ANGPT4: variants seen among roughly 807,000 people sequenced by gnomAD.
The protein encoded by ANGPT4 is angiopoietin-4.
Under a neutral mutation model 53.0 loss-of-function variants are expected in ANGPT4, and 50 were observed. That is an observed-to-expected ratio of 0.94 (90% CI 0.75 to 1.20). ANGPT4 has a LOEUF of 1.20. Among genes scored for constraint, ANGPT4 ranks in the 50% most tolerant of loss-of-function variants. ANGPT4 has a pLI of 0.00. For missense variants in ANGPT4, 648 were observed against 637.1 expected, an observed-to-expected ratio of 1.02 and a Z score of -0.18; for synonymous variants, 251 against 259.7, an observed-to-expected ratio of 0.97 and a Z score of 0.32.
At position 885,339 on chromosome 20, in the gene ANGPT4, G is replaced by A. The variant is rs1307728368; in HGVS notation, c.588-14C>T. On this transcript the variant is annotated splice_polypyrimidine_tract_variant and intron_variant, in intron 3 of 8. Transcript: ENST00000381922. ...TTCTCGAGCGCGCTGCGGGGTAGGG[G>A]GCGCACAGAGGTGAGCCTGGCATCC... The A allele has an allele frequency of 3.2e-6, 5 of 1,565,264 alleles. No individual in the cohort carries two copies. The highest frequency in any genetic ancestry group is 2.6e-6 in the Non-Finnish European group (3 of 1,161,884).
rs1225360908 is a variant in ANGPT4, at chr20:901,687, T to C, written c.310-11319A>G. On this transcript the variant is annotated intron_variant, in intron 1 of 8. Transcript: ENST00000381922. ...CATGACTTTGGGAGGCCAAGGTGGGTGGATCGCTTAAGCTCAGGATTTGGA... is the reference window on the plus strand; with the variant it reads ...CATGACTTTGGGAGGCCAAGGTGGGCGGATCGCTTAAGCTCAGGATTTGGA... Among the ~76,000 whole-genome samples, 7 of 152,052 alleles carry C rather than the reference T, an allele frequency of 4.6e-5. No homozygotes were observed. In the East Asian group the frequency reaches 1.3e-3, roughly 29 times the overall value.
intron 7 of ANGPT4, among the ~76,000 whole-genome samples, chr20:874,684 G>A (rs1341036509): frequency 3.3e-5 from 5 of 152,158 alleles, no homozygotes; most frequent in Non-Finnish European, 5.9e-5. Flanking sequence ...AGTGATAATG[G>A]TCACAATAAT....
Position 890,367 on chromosome 20 carries a change from AGCT to A in ANGPT4, c.310-2_310del, listed in dbSNP as rs1981791353. 1.9e-6 allele frequency: 3 copies of A among 1,588,426 alleles called. No homozygotes were observed. The highest frequency in any genetic ancestry group is 2.6e-6 in the Non-Finnish European group (3 of 1,166,626). ...CAAGATCGTCTTGATGGCCCTCTCT[AGCT>A]GTGGGAGACCATGGGCTGGGGTCAC... On this transcript the variant is annotated splice_acceptor_variant and coding_sequence_variant, in exon 2 of 9. Transcript: ENST00000381922. LOFTEE classifies it high-confidence loss of function.
At chr20:913,363 T>C (rs576292239) in intron 1 of ANGPT4, among the ~76,000 whole-genome samples, 47 of 152,240 alleles carry the variant, frequency 3.1e-4, no homozygotes, top group African/African-American at 9.9e-4. Flanking sequence ...AGAGAAATTA[T>C]TGTTTACATG....
At chr20:877,789 A>G (rs568487609) in intron 7 of ANGPT4, among the ~76,000 whole-genome samples, 161 of 152,348 alleles carry the variant, frequency 1.1e-3, no homozygotes, top group African/African-American at 3.7e-3. Context: ...AGGAATTTCA[A>G]CTTCTGGCCC....
At position 911,756 on chromosome 20, in the gene ANGPT4, A is replaced by G. The variant is rs1445192294; in HGVS notation, c.309+4150T>C. ...CTTGAGCTCAGGAGTTCAAGGCTGC[A>G]GTGAGCTGTGATTGCACCATTGCAC... On this transcript the variant is annotated intron_variant, in intron 1 of 8. Coordinates refer to ENST00000381922, the MANE Select transcript of ANGPT4 (RefSeq NM_015985.4). This position sits in a 1 kb window ranked among gnomAD's most constrained non-coding sequence, Gnocchi z 4.9. Among the ~76,000 whole-genome samples the G allele has an allele frequency of 1.3e-5, 2 of 152,122 alleles. No individual in the cohort carries two copies. Among genetic ancestry groups the G allele is most frequent in the African/African-American group, 4.8e-5 (2 of 41,420 alleles).
intron 2 of ANGPT4, among the ~76,000 whole-genome samples, chr20:888,726 C>T (rs962187632): frequency 6.6e-6 from 1 of 152,250 alleles, no homozygotes; most frequent in Non-Finnish European, 1.5e-5. Context: ...CAGGTCCTGT[C>T]AGCCTTGCCT....
At chr20:877,072 T>TTTAA (rs1317174554) in intron 7 of ANGPT4, among the ~76,000 whole-genome samples, 1 of 152,102 alleles carries the variant, frequency 6.6e-6, no homozygotes, top group Non-Finnish European at 1.5e-5. Context: ...GCCTTTGCTT[T>TTTAA]GGTGGCCAGT....
Position 911,945 on chromosome 20 carries a change from G to A in ANGPT4, c.309+3961C>T, listed in dbSNP as rs1203191535. ...GAGAGAGGGCTGCCATGGACCCCAG[G>A]CCAGCAGCTGCTGGCTGCTCCCTAA... On this transcript the variant is annotated intron_variant, in intron 1 of 8. Transcript: ENST00000381922. The surrounding 1 kb of genome is among the most constrained non-coding windows in gnomAD (Gnocchi z 4.9). 6.6e-6 allele frequency among the ~76,000 whole-genome samples: 1 copy of A among 152,060 alleles called. No individual in the cohort carries two copies. Among genetic ancestry groups the A allele is most frequent in the Non-Finnish European group, 1.5e-5 (1 of 68,016 alleles).
chr20:913,859 G>A (rs1419501680), intron 1 of ANGPT4, among the ~76,000 whole-genome samples: 2 of 152,228 alleles, frequency 1.3e-5, no homozygotes, highest in Admixed American at 6.5e-5. Flanking sequence ...CTGTGGCTGG[G>A]TGGTGGTGTC....
rs960021131 is a variant in ANGPT4, at chr20:896,863, C to A, written c.310-6495G>T. On this transcript the variant is annotated intron_variant, in intron 1 of 8. Coordinates refer to ENST00000381922, the MANE Select transcript of ANGPT4 (RefSeq NM_015985.4). ...ATGATAAATTCTGGTATGTCTGGGC[C>A]ATATCTTACTATGTGTCAGGACTCT... 3.9e-5 allele frequency among the ~76,000 whole-genome samples: 6 copies of A among 152,230 alleles called. No homozygotes were observed. The East Asian group carries it at 1.2e-3, about 29-fold the overall frequency.
Position 871,253 on chromosome 20 carries a change from G to A in ANGPT4, c.*1707C>T, listed in dbSNP as rs1482834184. 6.6e-6 allele frequency: 1 copy of A among 152,308 alleles called. No homozygotes were observed. The highest frequency in any genetic ancestry group is 2.4e-5 in the African/African-American group (1 of 41,470). The allele number at this position is 152,308 out of a possible 1,614,324, so 9.4% of individuals were successfully genotyped here. On this transcript the variant is annotated 3_prime_UTR_variant, in exon 9 of 9. Coordinates refer to ENST00000381922, the MANE Select transcript of ANGPT4 (RefSeq NM_015985.4). Reference sequence around the variant, plus strand: ...GCTAATTCCCAGGAATGAGATCAAAGTCAGTCTGTGCTGGGTTTACTCAGG... The same window carrying A: ...GCTAATTCCCAGGAATGAGATCAAAATCAGTCTGTGCTGGGTTTACTCAGG...
intron 1 of ANGPT4, among the ~76,000 whole-genome samples, chr20:907,572 G>A (rs1018188318): frequency 6.6e-6 from 1 of 152,182 alleles, no homozygotes; most frequent in Admixed American, 6.5e-5. Context: ...TATGTGGTCA[G>A]CACTGTTCTA....
At chr20:901,062 G>A (rs538337562) in intron 1 of ANGPT4, among the ~76,000 whole-genome samples, 7 of 152,198 alleles carry the variant, frequency 4.6e-5, no homozygotes, top group Admixed American at 3.3e-4. Context: ...TTCCGACATT[G>A]CTCCTAATCC....
At chr20:888,062 T>G (rs1981683299) in intron 3 of ANGPT4, among the ~76,000 whole-genome samples, 1 of 152,034 alleles carries the variant, frequency 6.6e-6, no homozygotes, top group East Asian at 1.9e-4. Context: ...ACTCCAACCC[T>G]GGTTTCAGTC....
intron 5 of ANGPT4, 66 bp downstream of exon 5, chr20:881,105 T>A: frequency 1.6e-6 from 2 of 1,261,580 alleles, no homozygotes; most frequent in South Asian, 1.6e-5. Context: ...GGGTGCGGGG[T>A]GTCTGTTTGG....
intron 7 of ANGPT4, among the ~76,000 whole-genome samples, chr20:876,691 C>T (rs992615774): frequency 5.3e-5 from 8 of 152,140 alleles, no homozygotes; most frequent in Admixed American, 5.2e-4. Context: ...GGGATTTAAG[C>T]CTTTGCTTTA....
Position 878,198 on chromosome 20 carries a change from C to A in ANGPT4, c.1183G>T (p.Glu395Ter). Reference sequence around the variant, plus strand: ...TTCTCACTGCCCAGGTGGAAATGTTCGTACTGGGCATAGGCCTCGTGGCCT... The same window carrying A: ...TTCTCACTGCCCAGGTGGAAATGTTAGTACTGGGCATAGGCCTCGTGGCCT... ...WEGHEAYAQY[E>*]HFHLGSENQL... Residue 395 changes from glutamate to a stop codon, truncating the protein, a stop_gained, in exon 7 of 9, where the codon GAA becomes TAA. Transcript: ENST00000381922. LOFTEE classifies it high-confidence loss of function. 6.2e-7 allele frequency: 1 copy of A among 1,606,632 alleles called. No individual in the cohort carries two copies. Among genetic ancestry groups the A allele is most frequent in the South Asian group, 1.1e-5 (1 of 90,920 alleles).
Position 912,583 on chromosome 20 carries a change from C to T in ANGPT4, c.309+3323G>A, listed in dbSNP as rs554978787. ...TGGCTCCAGATGGGAGTTACTGGGG[C>T]AGGGGCTTTCCAGGAGCGAGGAGGA... On this transcript the variant is annotated intron_variant, in intron 1 of 8. Transcript: ENST00000381922. Among the ~76,000 whole-genome samples, 4 of 151,864 alleles carry T rather than the reference C, an allele frequency of 2.6e-5. No individual in the cohort carries two copies. In the East Asian group the frequency reaches 7.7e-4, roughly 29 times the overall value.
Sources: gnomAD v4.1 joint callset for allele counts (sites outside exome capture counted in the v4.1 genomes callset) on GRCh38, gnomAD v4.1.1 for gene constraint, Gnocchi (gnomAD v3.1) non-coding constraint, MANE v1.5 for transcripts, NCBI Gene and HGNC (gene_info 2026-07-23, HGNC 2026-07-21) for gene names.